IMMP2L: variants seen among roughly 807,000 people sequenced by gnomAD.
The protein encoded by IMMP2L is mitochondrial inner membrane protease subunit 2.
A neutral mutation model predicts 19.3 loss-of-function variants in IMMP2L; 18 were observed. The ratio of observed to expected loss-of-function variants is 0.93; its 90% confidence interval spans 0.64 to 1.38. IMMP2L has a LOEUF of 1.38. Ranked by LOEUF, IMMP2L falls within the 40% of genes most tolerant of loss-of-function variation. The pLI, the probability that IMMP2L is intolerant of heterozygous loss-of-function variation, is 0.00. For synonymous variants in IMMP2L, 76 were observed against 73.0 expected (o/e 1.04, Z -0.21); for missense variants, 233 against 218.2 (o/e 1.07, Z -0.43).
intron 3 of IMMP2L, among the ~76,000 whole-genome samples, chr7:111,278,664 C>A (rs1052634897): frequency 1.3e-5 from 2 of 152,074 alleles, no homozygotes; most frequent in East Asian, 1.9e-4. Flanking sequence ...CATCTTTAAG[C>A]CCTGAAAGTG....
intron 3 of IMMP2L, among the ~76,000 whole-genome samples, chr7:110,995,800 G>T (rs1822970563): frequency 6.6e-6 from 1 of 152,192 alleles, no homozygotes; most frequent in Middle Eastern, 3.4e-3. Context: ...TTGGCCAAAA[G>T]AATCACAAGT....
In IMMP2L at chr7:110,730,716, G is replaced by A. The variant is rs576669707; in HGVS notation, c.409-66995C>T. On this transcript the variant is annotated intron_variant, in intron 5 of 5. Transcript: ENST00000405709. ...ATTTTTTTGTATTTTCAGTAGAGAC[G>A]GGGTTTCACCGTTTTAGCCAGGATG... is the stretch of plus-strand genomic sequence containing the variant. Among the ~76,000 whole-genome samples, 187 of 152,040 alleles carry A rather than the reference G, an allele frequency of 1.2e-3. 1 individual carries two copies. The highest frequency in any genetic ancestry group is 4.3e-3 in the African/African-American group (178 of 41,468).
intron 3 of IMMP2L, among the ~76,000 whole-genome samples, chr7:111,485,841 A>G (rs1053263648): frequency 2.9e-4 from 44 of 151,898 alleles, no homozygotes; most frequent in African/African-American, 1.1e-3. Context: ...TCAATTATCT[A>G]TTTAAGTCCA....
intron 3 of IMMP2L, among the ~76,000 whole-genome samples, chr7:111,081,238 T>C (rs1795864171): frequency 6.6e-6 from 1 of 152,150 alleles, no homozygotes; most frequent in Non-Finnish European, 1.5e-5. Context: ...CAAAAGACAA[T>C]TACATGAAAT....
chr7:111,527,465 A>G (rs1846986730), intron 1 of IMMP2L, among the ~76,000 whole-genome samples: 1 of 151,106 alleles, frequency 6.6e-6, no homozygotes, highest in Non-Finnish European at 1.5e-5. Flanking sequence ...TTTCTAAGCC[A>G]GAATTCTTTA....
At chr7:111,434,273 G>T (rs866913881) in intron 3 of IMMP2L, among the ~76,000 whole-genome samples, 2 of 151,846 alleles carry the variant, frequency 1.3e-5, no homozygotes, top group South Asian at 2.1e-4. Flanking sequence ...ACCCATACCT[G>T]TCACAAAGTC....
Position 110,669,012 on chromosome 7 carries a change from A to C in IMMP2L, c.409-5291T>G, listed in dbSNP as rs1192228544. Among the ~76,000 whole-genome samples, 18 of 139,140 alleles carry C rather than the reference A, an allele frequency of 1.3e-4. 1 individual carries two copies. Among genetic ancestry groups the C allele is most frequent in the African/African-American group, 3.9e-4 (15 of 38,398 alleles). The allele number at this position is 139,140 out of a possible 152,430, so 91.3% of individuals were successfully genotyped here. On this transcript the variant is annotated intron_variant, in intron 5 of 5. Transcript: ENST00000405709. ...CTGTATTAGTTAGGTTCTCCAGAGA[A>C]ACTGAACCAACAGTATGTGTGTGTG...
intron 2 of IMMP2L, among the ~76,000 whole-genome samples, chr7:111,517,796 G>A (rs1845995216): frequency 6.6e-6 from 1 of 152,014 alleles, no homozygotes; most frequent in Non-Finnish European, 1.5e-5. Flanking sequence ...AAAAAAAGAA[G>A]TACATCTACT....
At chr7:110,928,496 CGAT>C (rs35376662) in intron 4 of IMMP2L, among the ~76,000 whole-genome samples, 66,860 of 132,054 alleles carry the variant, frequency 0.51, 18,577 homozygotes, top group East Asian at 0.82. Context: ...AAAAGGAAAA[CGAT>C]GATTTTTAAA....
intron 5 of IMMP2L, among the ~76,000 whole-genome samples, chr7:110,743,771 G>A (rs1358460708): frequency 6.6e-6 from 1 of 152,156 alleles, no homozygotes; most frequent in African/African-American, 2.4e-5. Context: ...TCCCCACGGT[G>A]ATTCCTTCTG....
intron 3 of IMMP2L, among the ~76,000 whole-genome samples, chr7:111,478,665 A>ATCC (rs1187351414): frequency 6.6e-6 from 1 of 152,038 alleles, no homozygotes; most frequent in African/African-American, 2.4e-5. Flanking sequence ...AGCTCAAGTG[A>ATCC]TCCTCCCACC....
At chr7:111,393,506 T>C (rs1365748450) in intron 3 of IMMP2L, among the ~76,000 whole-genome samples, 2 of 152,168 alleles carry the variant, frequency 1.3e-5, no homozygotes, top group African/African-American at 4.8e-5. Context: ...TACTCTATTG[T>C]CTGCTGTGCT....
At chr7:111,390,405 C>G (rs1337445940) in intron 3 of IMMP2L, among the ~76,000 whole-genome samples, 1 of 152,158 alleles carries the variant, frequency 6.6e-6, no homozygotes, top group Non-Finnish European at 1.5e-5. Context: ...ATGTCTGCTT[C>G]TAGGGAACCC....
At chr7:110,872,283 G>C (rs576809643) in intron 5 of IMMP2L, among the ~76,000 whole-genome samples, 8 of 152,044 alleles carry the variant, frequency 5.3e-5, no homozygotes, top group Non-Finnish European at 1.2e-4. Flanking sequence ...TCTACTTCTC[G>C]AAAGTTACTT....
intron 3 of IMMP2L, among the ~76,000 whole-genome samples, chr7:111,313,346 G>A (rs575097291): frequency 2.6e-5 from 4 of 152,256 alleles, no homozygotes; most frequent in Admixed American, 2.6e-4. Context: ...TCTGGCATGT[G>A]TGGTTCACAG....
chr7:110,959,376 A>G (rs1818694617), intron 4 of IMMP2L, among the ~76,000 whole-genome samples: 1 of 151,890 alleles, frequency 6.6e-6, no homozygotes, highest in Non-Finnish European at 1.5e-5. Context: ...TTGACAGCAT[A>G]TTTTTATAAT....
intron 1 of IMMP2L, among the ~76,000 whole-genome samples, chr7:111,560,218 G>A (rs1433702020): frequency 2.0e-5 from 3 of 151,918 alleles, no homozygotes; most frequent in Non-Finnish European, 2.9e-5. Flanking sequence ...TACCCTCCCA[G>A]ATTTAATTCT....
At chr7:111,304,502 T>C (rs1283364966) in intron 3 of IMMP2L, among the ~76,000 whole-genome samples, 1 of 151,974 alleles carries the variant, frequency 6.6e-6, no homozygotes, top group Middle Eastern at 3.2e-3. Context: ...TAGGTGTGTA[T>C]ATATATAAAA....
At chr7:111,495,163 C>T (rs746229589) in intron 2 of IMMP2L, among the ~76,000 whole-genome samples, 121 of 152,180 alleles carry the variant, frequency 8.0e-4, no homozygotes, top group Non-Finnish European at 1.3e-3. Context: ...AAAACATATG[C>T]ATTTAAAAAT....
Sources: allele counts gnomAD v4.1 joint callset (sites outside exome capture counted in the v4.1 genomes callset), GRCh38; gene constraint gnomAD v4.1.1; transcripts MANE v1.5; gene names NCBI Gene and HGNC (gene_info 2026-07-23, HGNC 2026-07-21).